ARID3B: variants seen among roughly 807,000 people sequenced by gnomAD.
ARID3B encodes the protein AT-rich interactive domain-containing protein 3B.
ARID3B carries 10 observed loss-of-function variants against 51.9 expected under a neutral mutation model. That is an observed-to-expected ratio of 0.19 (90% CI 0.12 to 0.33). The LOEUF (loss-of-function observed/expected upper bound fraction) is 0.33, where lower values mean the gene tolerates loss of function less well. Ranked by LOEUF, ARID3B falls within the 10% of genes least tolerant of loss-of-function variation. ARID3B has a pLI of 1.00. For missense variants in ARID3B, 483 were observed against 716.3 expected, an observed-to-expected ratio of 0.67 and a Z score of 3.72; for synonymous variants, 205 against 279.5, an observed-to-expected ratio of 0.73 and a Z score of 2.66.
chr15:74,558,060 A>G (rs1219779013), intron 2 of ARID3B, among the ~76,000 whole-genome samples: 1 of 151,446 alleles, frequency 6.6e-6, no homozygotes, highest in African/African-American at 2.4e-5. Flanking sequence ...TGACCTCATG[A>G]TCCGCCCACC....
In ARID3B at chr15:74,596,134, C is replaced by T; in HGVS notation, c.*360C>T. On this transcript the variant is annotated 3_prime_UTR_variant, in exon 9 of 9. Coordinates refer to ENST00000346246, the MANE Select transcript of ARID3B (RefSeq NM_006465.4). ...GGCTGGAGGCCCTCCATTTCCCTCC[C>T]CTTTTAATTTATTTCCCTGACCCTG... 2 of 280,528 alleles carry T rather than the reference C, an allele frequency of 7.1e-6. No individual in the cohort carries two copies. Among genetic ancestry groups the T allele is most frequent in the Non-Finnish European group, 1.3e-5 (2 of 149,628 alleles). 17.4% of individuals were successfully genotyped at this position (280,528 alleles called of 1,614,324 possible). A position where few individuals can be genotyped will look rare whatever the true frequency, so the allele number is the denominator to read the frequency against.
intron 2 of ARID3B, among the ~76,000 whole-genome samples, chr15:74,570,251 C>G (rs186259473): frequency 6.6e-6 from 1 of 152,216 alleles, no homozygotes; most frequent in African/African-American, 2.4e-5. Flanking sequence ...AAGGCATTCT[C>G]CATGTGTGGA....
chr15:74,589,317 C>T (rs1362932977), intron 4 of ARID3B, among the ~76,000 whole-genome samples: 1 of 152,058 alleles, frequency 6.6e-6, no homozygotes, highest in Non-Finnish European at 1.5e-5. Context: ...GCGTGAGCCA[C>T]CGCACCCAGC....
Position 74,560,031 on chromosome 15 carries a change from T to TAAAAAAAAAAAAAAAAAAAAG in ARID3B, c.553-12821_553-12820insAAAAAAAAAAGAAAAAAAAAA, listed in dbSNP as rs71137394. Among the ~76,000 whole-genome samples, 2 of 35,640 alleles carry TAAAAAAAAAAAAAAAAAAAAG rather than the reference T, an allele frequency of 5.6e-5. 1 individual carries two copies. The highest frequency in any genetic ancestry group is 9.0e-5 in the Non-Finnish European group (2 of 22,312). The allele number at this position is 35,640 out of a possible 152,430, so 23.4% of individuals were successfully genotyped here. ...CAACATGGCGAAACCCTGTCTCTAC[T>TAAAAAAAAAAAAAAAAAAAAG]AAAAAAAAAACCACACACACAAAAA... On this transcript the variant is annotated intron_variant, in intron 2 of 8. Transcript: ENST00000346246.
At chr15:74,561,785 A>T (rs1246379432) in intron 2 of ARID3B, among the ~76,000 whole-genome samples, 2 of 152,192 alleles carry the variant, frequency 1.3e-5, no homozygotes, top group African/African-American at 4.8e-5. Context: ...GGTTCAACTC[A>T]ACTATTTTTC....
intron 8 of ARID3B, among the ~76,000 whole-genome samples, chr15:74,594,665 G>A (rs1315109938): frequency 6.6e-6 from 1 of 152,248 alleles, no homozygotes; most frequent in Non-Finnish European, 1.5e-5. Context: ...CTCCCTCAGA[G>A]CACCGCCCTG....
intron 2 of ARID3B, among the ~76,000 whole-genome samples, chr15:74,567,335 T>G (rs1187924900): frequency 3.9e-5 from 6 of 152,238 alleles, no homozygotes; most frequent in Admixed American, 3.3e-4. Flanking sequence ...TTCTACCTCC[T>G]GAGTACCTTG....
intron 4 of ARID3B, among the ~76,000 whole-genome samples, chr15:74,578,464 C>T (rs897509133): frequency 1.2e-4 from 19 of 152,156 alleles, no homozygotes; most frequent in Non-Finnish European, 2.1e-4. Context: ...CATGAGCCAC[C>T]GAGCCCGGCT....
At chr15:74,550,631 C>T (rs1055674602) in intron 2 of ARID3B, among the ~76,000 whole-genome samples, 4 of 151,376 alleles carry the variant, frequency 2.6e-5, no homozygotes, top group Non-Finnish European at 5.9e-5. Context: ...GGCATGAACC[C>T]GGGAGGCAGA....
At chr15:74,581,640 T>C (rs1596261878) in intron 4 of ARID3B, among the ~76,000 whole-genome samples, 1 of 152,124 alleles carries the variant, frequency 6.6e-6, no homozygotes, top group Non-Finnish European at 1.5e-5. Context: ...TACTGGTTTT[T>C]CCCCCATTTT....
At chr15:74,543,527 AGT>A (rs2061601804) in intron 1 of ARID3B, among the ~76,000 whole-genome samples, 2 of 152,210 alleles carry the variant, frequency 1.3e-5, no homozygotes, top group Non-Finnish European at 2.9e-5. Context: ...ACATTAGTTC[AGT>A]AACAGATTAA....
intron 4 of ARID3B, among the ~76,000 whole-genome samples, chr15:74,578,731 A>C (rs1260791001): frequency 2.0e-5 from 3 of 152,134 alleles, no homozygotes; most frequent in Admixed American, 6.5e-5. Flanking sequence ...TACAAAAAAA[A>C]CATTTTTTTT....
chr15:74,574,374 C>T (rs2061729821), intron 4 of ARID3B: 1 of 152,256 alleles, frequency 6.6e-6, no homozygotes, highest in Admixed American at 6.5e-5. Context: ...TCATGCATCC[C>T]TTGGTGCCTG....
At chr15:74,593,610 A>G (rs2061812394) in intron 8 of ARID3B, among the ~76,000 whole-genome samples, 1 of 152,196 alleles carries the variant, frequency 6.6e-6, no homozygotes, top group South Asian at 2.1e-4. Flanking sequence ...GAACCCCAGT[A>G]TAGGAGAATC....
At chr15:74,593,957 C>A (rs1344146666) in intron 8 of ARID3B, among the ~76,000 whole-genome samples, 1 of 150,850 alleles carries the variant, frequency 6.6e-6, no homozygotes, top group African/African-American at 2.4e-5. Flanking sequence ...CCAGGAGGAT[C>A]ACTTGAGCCC....
Position 74,594,675 on chromosome 15 carries a change from G to A in ARID3B, c.1520-936G>A, listed in dbSNP as rs958501671. Among the ~76,000 whole-genome samples the A allele has an allele frequency of 2.7e-4, 41 of 152,362 alleles. 1 individual carries two copies. The highest frequency in any genetic ancestry group is 9.9e-4 in the African/African-American group (41 of 41,590). On this transcript the variant is annotated intron_variant, in intron 8 of 8. Transcript: ENST00000346246. ...CCACACTCCCTCAGAGCACCGCCCTGCAGGCCTCCTGGGAGCATGCTCTGG... is the reference window on the plus strand; with the variant it reads ...CCACACTCCCTCAGAGCACCGCCCTACAGGCCTCCTGGGAGCATGCTCTGG...
chr15:74,573,128 G>A lies in ARID3B; in HGVS notation c.625-4G>A. 1 of 1,613,870 alleles carries A rather than the reference G, an allele frequency of 6.2e-7. No homozygotes were observed. ...GTGTTTTTCTTGGGGGATTGGGATT[G>A]CAGCTGTATGAACTGGACGGTGATC... On this transcript the variant is annotated splice_region_variant and splice_polypyrimidine_tract_variant and intron_variant, in intron 3 of 8. Coordinates refer to ENST00000346246, the MANE Select transcript of ARID3B (RefSeq NM_006465.4).
At chr15:74,584,910 C>T (rs555036114) in intron 4 of ARID3B, among the ~76,000 whole-genome samples, 1 of 152,310 alleles carries the variant, frequency 6.6e-6, no homozygotes, top group East Asian at 1.9e-4. Flanking sequence ...TTACATCCGT[C>T]CCTCAGGCTG....
chr15:74,561,983 A>G (rs1171522686), intron 2 of ARID3B, among the ~76,000 whole-genome samples: 1 of 150,476 alleles, frequency 6.6e-6, no homozygotes, highest in Non-Finnish European at 1.5e-5. Flanking sequence ...TGTTCTGAGC[A>G]CGTTTAAGGT....
Sources: gnomAD v4.1 joint callset for allele counts (sites outside exome capture counted in the v4.1 genomes callset) on GRCh38, gnomAD v4.1.1 for gene constraint, MANE v1.5 for transcripts, NCBI Gene and HGNC (gene_info 2026-07-23, HGNC 2026-07-21) for gene names.